The following PHF21A variants were observed in gnomAD, a reference collection of about 807,000 sequenced individuals.
PHF21A encodes PHD finger protein 21A.
A neutral mutation model predicts 82.5 loss-of-function variants in PHF21A; 11 were observed. The ratio of observed to expected loss-of-function variants is 0.13; its 90% CI spans 0.08 to 0.22. The LOEUF (loss-of-function observed/expected upper bound fraction) is 0.22, where lower values mean the gene tolerates loss of function less well. Among genes scored for constraint, PHF21A ranks in the 10% least tolerant of loss-of-function variants. PHF21A has a pLI of 1.00. For synonymous variants in PHF21A, 297 were observed against 302.8 expected, an observed-to-expected ratio of 0.98 and a Z score of 0.20; for missense variants, 579 against 837.8, an observed-to-expected ratio of 0.69 and a Z score of 3.81.
chr11:46,040,645 C>A (rs1470697582), intron 6 of PHF21A, among the ~76,000 whole-genome samples: 3 of 152,044 alleles, frequency 2.0e-5, no homozygotes. Flanking sequence ...ATTAAAAGGT[C>A]CTGCTGGTAA....
intron 6 of PHF21A, among the ~76,000 whole-genome samples, chr11:45,986,171 T>C (rs998574583): frequency 4.0e-5 from 6 of 150,424 alleles, no homozygotes; most frequent in Non-Finnish European, 3.0e-5. Context: ...CCTTTATTAA[T>C]ATCATTAGGA....
At chr11:45,994,896 C>T (rs898728052) in intron 6 of PHF21A, among the ~76,000 whole-genome samples, 1 of 152,180 alleles carries the variant, frequency 6.6e-6, no homozygotes, top group African/African-American at 2.4e-5. Flanking sequence ...GTCCTTGTCC[C>T]TCTGTGCTGC....
intron 8 of PHF21A, chr11:45,970,907 T>A (rs573628970): frequency 3.5e-6 from 2 of 579,390 alleles, no homozygotes; most frequent in African/African-American, 3.7e-5. Flanking sequence ...ATGCACTGAA[T>A]TTAGTCCTTG....
At chr11:45,994,536 G>A (rs1324898883) in intron 6 of PHF21A, among the ~76,000 whole-genome samples, 1 of 152,198 alleles carries the variant, frequency 6.6e-6, no homozygotes. Context: ...TGCTGTGTAA[G>A]TGACGCAGCC....
chr11:45,974,169 T>C (rs1057145240), intron 7 of PHF21A, among the ~76,000 whole-genome samples: 1 of 152,210 alleles, frequency 6.6e-6, no homozygotes, highest in Non-Finnish European at 1.5e-5. Context: ...GACCTAGTAC[T>C]GTATGCTTCA....
chr11:46,068,970 T>C (rs1029252997), intron 6 of PHF21A, among the ~76,000 whole-genome samples: 2 of 152,246 alleles, frequency 1.3e-5, no homozygotes, highest in African/African-American at 2.4e-5. Flanking sequence ...AGCATCTCTT[T>C]CTCAAAGAGA....
chr11:45,983,759 A>G (rs1370745977), intron 6 of PHF21A, among the ~76,000 whole-genome samples: 1 of 152,108 alleles, frequency 6.6e-6, no homozygotes, highest in Non-Finnish European at 1.5e-5. Context: ...ACAGCACTCA[A>G]ATGACTTCAG....
At chr11:45,946,062 A>G in intron 14 of PHF21A, 59 bp from the exon 15 acceptor site, 1 of 1,614,000 alleles carries the variant, frequency 6.2e-7, no homozygotes, top group Non-Finnish European at 8.5e-7. Flanking sequence ...GAGGGGGAAA[A>G]TGATCTTACA....
At chr11:46,027,420 A>G (rs1461540345) in intron 6 of PHF21A, among the ~76,000 whole-genome samples, 1 of 152,212 alleles carries the variant, frequency 6.6e-6, no homozygotes, top group Non-Finnish European at 1.5e-5. Flanking sequence ...TCTGCACTCA[A>G]TCGCAGTCAA....
intron 16 of PHF21A, among the ~76,000 whole-genome samples, chr11:45,937,584 G>A (rs2089394782): frequency 1.3e-5 from 2 of 152,308 alleles, no homozygotes; most frequent in Middle Eastern, 3.4e-3. Context: ...GGGTTCAAGC[G>A]ATTCTCCTGC....
chr11:46,065,102 C>A (rs922990895), intron 6 of PHF21A, among the ~76,000 whole-genome samples: 3 of 152,158 alleles, frequency 2.0e-5, no homozygotes, highest in African/African-American at 7.2e-5. Context: ...AATATCCATT[C>A]TTCTCCACCC....
rs142817626 is a variant in PHF21A, at chr11:46,005,315, T to C, written c.154-25349A>G. On this transcript the variant is annotated intron_variant, in intron 6 of 18. Transcript: ENST00000676320. Reference sequence around the variant, plus strand: ...AAATGATGTAAAATATTGTATAAAATTTATACAAATTTATGCTTGGGACCA... The same window carrying C: ...AAATGATGTAAAATATTGTATAAAACTTATACAAATTTATGCTTGGGACCA... Among the ~76,000 whole-genome samples, 538 of 152,292 alleles carry C rather than the reference T, an allele frequency of 3.5e-3. 3 individuals carry two copies. The highest frequency in any genetic ancestry group is 0.01 in the Middle Eastern group (3 of 294).
intron 11 of PHF21A, among the ~76,000 whole-genome samples, chr11:45,951,180 T>G (rs909429243): frequency 6.6e-6 from 1 of 152,262 alleles, no homozygotes; most frequent in Non-Finnish European, 1.5e-5. Flanking sequence ...AGTTTCTAAA[T>G]ATGCCAAATA....
chr11:46,081,376 CCA>C (rs1204941853), intron 4 of PHF21A, among the ~76,000 whole-genome samples: 1 of 152,048 alleles, frequency 6.6e-6, no homozygotes, highest in Non-Finnish European at 1.5e-5. Context: ...TTAATGCTAG[CCA>C]CAGTCTTCAA....
chr11:46,067,857 C>A lies in PHF21A; in HGVS notation c.153+8897G>T, dbSNP rs963152274. Among the ~76,000 whole-genome samples, 4 of 152,100 alleles carry A rather than the reference C, an allele frequency of 2.6e-5. No homozygotes were observed. In the East Asian group the frequency reaches 5.8e-4, roughly 22 times the overall value. On this transcript the variant is annotated intron_variant, in intron 6 of 18. Transcript: ENST00000676320. ...GTGCAAATAAGTACCACAATGAGCGCCAAATAAAGTAGGCACAAGTACCAA... is the reference window on the plus strand; with the variant it reads ...GTGCAAATAAGTACCACAATGAGCGACAAATAAAGTAGGCACAAGTACCAA...
chr11:46,043,388 T>A (rs2096191833), intron 6 of PHF21A, among the ~76,000 whole-genome samples: 1 of 152,194 alleles, frequency 6.6e-6, no homozygotes, highest in Admixed American at 6.5e-5. Context: ...ATCACCTTTA[T>A]CAATACAAGG....
Position 46,079,149 on chromosome 11 carries a change from C to T in PHF21A, c.72G>A (p.Met24Ile). The stretch of plus-strand genomic sequence containing the variant: ...GTAGTTTTACCTGTGGATCCTGCTT[C>T]ATTTGAGCAACCAGTTTCTGGTAAT... ...IQVHQKLVAQ[M>I]KQDPQNADLK... The change falls in exon 5 of 19, where the codon ATG becomes ATA. Residue 24 changes from methionine to isoleucine, a missense_variant. Around this residue, in one of 3 missense-constraint regions of PHF21A, gnomAD observed 12 missense variants for 46.4 expected, o/e 0.26. Transcript: ENST00000676320. The T allele has an allele frequency of 6.3e-7, 1 of 1,592,364 alleles. No homozygotes were observed. Among genetic ancestry groups the T allele is most frequent in the Non-Finnish European group, 8.6e-7 (1 of 1,164,906 alleles).
At chr11:46,004,329 A>G (rs2095238291) in intron 6 of PHF21A, among the ~76,000 whole-genome samples, 1 of 152,212 alleles carries the variant, frequency 6.6e-6, no homozygotes, top group Non-Finnish European at 1.5e-5. Flanking sequence ...TGTTTTCTAT[A>G]TAACAAAGTG....
chr11:46,072,647 G>C (rs2096668586), intron 6 of PHF21A, among the ~76,000 whole-genome samples: 1 of 152,210 alleles, frequency 6.6e-6, no homozygotes, highest in Non-Finnish European at 1.5e-5. Context: ...GAAAAGTATG[G>C]TTCAATGTGA....
Sources: gnomAD v4.1 joint callset for allele counts (sites outside exome capture counted in the v4.1 genomes callset) on GRCh38, gnomAD v4.1.1 for gene constraint, gnomAD v4.1.1 regional missense constraint, MANE v1.5 for transcripts, NCBI Gene and HGNC (gene_info 2026-07-23, HGNC 2026-07-21) for gene names.